MRPS6: variants seen among roughly 807,000 people sequenced by gnomAD.
MRPS6 encodes small ribosomal subunit protein bS6m.
In MRPS6, 6 loss-of-function variants were observed where a neutral mutation model predicts 13.1. The observed-to-expected ratio is 0.46, with a 90% CI of 0.25 to 0.91. The LOEUF (loss-of-function observed/expected upper bound fraction) is 0.91. MRPS6 is among the 40% of genes least tolerant of loss of function. MRPS6 has a pLI of 0.18. For missense variants in MRPS6, 164 were observed against 155.6 expected (o/e 1.05, Z -0.29); for synonymous variants, 61 against 56.5 (o/e 1.08, Z -0.36).
chr21:34,131,159 T>G (rs1316635075), intron 2 of MRPS6, among the ~76,000 whole-genome samples: 1 of 152,192 alleles, frequency 6.6e-6, no homozygotes, highest in Admixed American at 6.5e-5. Context: ...TTTGGAGAGC[T>G]TTTGTTAAGT....
chr21:34,075,915 C>T (rs929418959), intron 1 of MRPS6, among the ~76,000 whole-genome samples: 4 of 152,152 alleles, frequency 2.6e-5, no homozygotes, highest in African/African-American at 7.2e-5. Flanking sequence ...GCTTGCACAC[C>T]GGTAGCAGGC....
chr21:34,076,686 G>C (rs1413605323), intron 1 of MRPS6, among the ~76,000 whole-genome samples: 1 of 152,172 alleles, frequency 6.6e-6, no homozygotes, highest in Non-Finnish European at 1.5e-5. Context: ...TGAAAAGTAG[G>C]TAAAAGTGTG....
At position 34,101,354 on chromosome 21, in the gene MRPS6, A is replaced by G. The variant is rs911307439; in HGVS notation, c.46-23987A>G. On this transcript the variant is annotated intron_variant, in intron 1 of 2. Transcript: ENST00000399312. ...AAACCCTGGTTTGATGTTAAGCATT[A>G]TAAAGTACGAAGTTTGTTACCACAG... The G allele has an allele frequency of 3.0e-6, 3 of 1,000,080 alleles. No individual in the cohort carries two copies. The East Asian group carries it at 3.4e-4, about 113-fold the overall frequency. The allele number at this position is 1,000,080 out of a possible 1,614,324, so 62.0% of individuals were successfully genotyped here. A position where few individuals can be genotyped will look rare whatever the true frequency, so the allele number is the denominator to read the frequency against.
chr21:34,127,662 G>A (rs1160175671), intron 2 of MRPS6, among the ~76,000 whole-genome samples: 7 of 152,212 alleles, frequency 4.6e-5, no homozygotes, highest in Non-Finnish European at 1.0e-4. Context: ...TCTGCAGTGT[G>A]GAGCTTAAGG....
chr21:34,098,654 C>G, intron 1 of MRPS6: 1 of 1,000,242 alleles, frequency 1.0e-6, no homozygotes, highest in Non-Finnish European at 1.2e-6. Flanking sequence ...AGGTGCCAAA[C>G]AAGAACTTTT....
intron 2 of MRPS6, among the ~76,000 whole-genome samples, chr21:34,126,020 A>C (rs1239308844): frequency 6.6e-6 from 1 of 152,212 alleles, no homozygotes. Context: ...TGTAGTAATA[A>C]CTATCTTTGT....
In MRPS6 at chr21:34,096,613, A is replaced by G. The variant is rs117638044; in HGVS notation, c.45+22868A>G. 368 of 1,614,096 alleles carry G rather than the reference A, an allele frequency of 2.3e-4. 5 individuals are homozygous for G. In the East Asian group the frequency reaches 5.8e-3, roughly 25 times the overall value. ...CGCTGCAATGAACAAGGGGCTTTCT[A>G]TGGTGGAATGGCTGGCTTTGTTCTT... On this transcript the variant is annotated intron_variant, in intron 1 of 2. Coordinates refer to ENST00000399312, the MANE Select transcript of MRPS6 (RefSeq NM_032476.4). The surrounding 1 kb of genome is among the most constrained non-coding windows in gnomAD (Gnocchi z 5.9).
chr21:34,103,374 GT>G (rs1369992374), intron 1 of MRPS6: 1 of 996,390 alleles, frequency 1.0e-6, no homozygotes, highest in Non-Finnish European at 1.2e-6. Context: ...CTTTATTTAG[GT>G]TCAGTGAAAC....
chr21:34,120,034 C>G (rs746453583), intron 1 of MRPS6, among the ~76,000 whole-genome samples: 1 of 152,186 alleles, frequency 6.6e-6, no homozygotes, highest in Non-Finnish European at 1.5e-5. Flanking sequence ...TTTAGAAGAT[C>G]ATTGTGAAAA....
intron 1 of MRPS6, among the ~76,000 whole-genome samples, chr21:34,089,983 A>G (rs1393652080): frequency 6.6e-6 from 1 of 152,188 alleles, no homozygotes; most frequent in African/African-American, 2.4e-5. Context: ...GGGATATTGC[A>G]TATTACTTGG....
chr21:34,104,597 T>A (rs1979396061), intron 1 of MRPS6: 1 of 1,000,112 alleles, frequency 1.0e-6, no homozygotes, highest in African/African-American at 1.7e-5. Context: ...TTAGAAGAGT[T>A]AACCTGAACA....
At position 34,079,968 on chromosome 21, in the gene MRPS6, G is replaced by A. The variant is rs147990978; in HGVS notation, c.45+6223G>A. ...TCTCTGTCTTCTGTCATCTGGGGCT[G>A]AACAAATGCAGTTCTTTCTTTTCCT... On this transcript the variant is annotated intron_variant, in intron 1 of 2. Transcript: ENST00000399312. 6.1e-3 allele frequency among the ~76,000 whole-genome samples: 934 copies of A among 152,148 alleles called. 6 individuals carry two copies. The highest frequency in any genetic ancestry group is 8.9e-3 in the Non-Finnish European group (605 of 67,992).
intron 1 of MRPS6, among the ~76,000 whole-genome samples, chr21:34,081,543 A>T (rs931393267): frequency 6.6e-6 from 1 of 152,218 alleles, no homozygotes; most frequent in Non-Finnish European, 1.5e-5. Context: ...CATAGAATAA[A>T]CAAAGACTGG....
chr21:34,096,314 T>C lies in MRPS6; in HGVS notation c.45+22569T>C. ...GGGGTTTAATGATGGCAGTGATGAT[T>C]GCAGCTCTGATGAGTGACTTAGACT... On this transcript the variant is annotated intron_variant, in intron 1 of 2. Coordinates refer to ENST00000399312, the MANE Select transcript of MRPS6 (RefSeq NM_032476.4). This position sits in a 1 kb window ranked among gnomAD's most constrained non-coding sequence, Gnocchi z 5.9. 6.2e-7 allele frequency: 1 copy of C among 1,614,154 alleles called. No individual in the cohort carries two copies. Among genetic ancestry groups the C allele is most frequent in the Non-Finnish European group, 8.5e-7 (1 of 1,180,012 alleles).
chr21:34,074,044 C>G (rs1363697275), intron 1 of MRPS6, among the ~76,000 whole-genome samples: 1 of 146,350 alleles, frequency 6.8e-6, no homozygotes, highest in Admixed American at 6.8e-5. Context: ...GGCCCCGACC[C>G]CGATCCCGGC....
At chr21:34,085,670 C>T (rs1035483921) in intron 1 of MRPS6, among the ~76,000 whole-genome samples, 11 of 147,480 alleles carry the variant, frequency 7.5e-5, no homozygotes, top group Non-Finnish European at 1.3e-4. Context: ...GGCGTGATCT[C>T]GGCTCACTGC....
chr21:34,135,486 G>A (rs944650357), intron 2 of MRPS6: 3 of 501,220 alleles, frequency 6.0e-6, no homozygotes, highest in African/African-American at 6.0e-5. Context: ...TGATGGCAAA[G>A]GAGTTGGAGG....
At chr21:34,125,903 A>G (rs574127979) in intron 2 of MRPS6, among the ~76,000 whole-genome samples, 5 of 152,366 alleles carry the variant, frequency 3.3e-5, no homozygotes, top group African/African-American at 1.2e-4. Flanking sequence ...AAGCCTAATC[A>G]ACAAAAGAAA....
chr21:34,095,864 C>T (rs752298091), intron 1 of MRPS6: 38 of 1,613,912 alleles, frequency 2.4e-5, no homozygotes, highest in East Asian at 4.5e-5. Flanking sequence ...TGGCCTCACC[C>T]GATGTCACTT....
Sources: gnomAD v4.1 joint callset for allele counts (sites outside exome capture counted in the v4.1 genomes callset) on GRCh38, gnomAD v4.1.1 for gene constraint, Gnocchi (gnomAD v3.1) non-coding constraint, MANE v1.5 for transcripts, NCBI Gene and HGNC (gene_info 2026-07-23, HGNC 2026-07-21) for gene names.